CIT: variants seen among roughly 807,000 people sequenced by gnomAD.
CIT encodes citron rho-interacting serine/threonine kinase.
CIT carries 79 observed loss-of-function variants against 272.7 expected under a neutral mutation model. The observed-to-expected ratio is 0.29, with a 90% CI of 0.24 to 0.35. CIT has a LOEUF of 0.35. Ranked by LOEUF, CIT falls within the 10% of genes least tolerant of loss-of-function variation. The pLI, the probability that CIT is intolerant of heterozygous loss-of-function variation, is 1.00. For missense variants in CIT, 1,909 were observed against 2,618.3 expected, an observed-to-expected ratio of 0.73 and a Z score of 5.91; for synonymous variants, 948 against 995.6, an observed-to-expected ratio of 0.95 and a Z score of 0.90.
chr12:119,692,258 G>A (rs190353842), intron 46 of CIT, among the ~76,000 whole-genome samples: 29 of 152,218 alleles, frequency 1.9e-4, no homozygotes, highest in Non-Finnish European at 3.4e-4. Flanking sequence ...AGACCAGCCC[G>A]GGCAATATGG....
Position 119,804,454 on chromosome 12 carries a change from C to CT in CIT, c.1112-1066dup, listed in dbSNP as rs1184632057. 1.0e-6 allele frequency: 1 copy of CT among 985,838 alleles called. No homozygotes were observed. Among genetic ancestry groups the CT allele is most frequent in the African/African-American group, 1.7e-5 (1 of 57,270 alleles). 61.1% of individuals were successfully genotyped at this position (985,838 alleles called of 1,614,324 possible). A position where few individuals can be genotyped will look rare whatever the true frequency, so the allele number is the denominator to read the frequency against. ...GTGCTCTGGCTGGAACCCCACCTGGCTGCCGCCTGCCTGCCAGGGGCCAGT... is the reference window on the plus strand; with the variant it reads ...GTGCTCTGGCTGGAACCCCACCTGGCTTGCCGCCTGCCTGCCAGGGGCCAGT... On this transcript the variant is annotated intron_variant, in intron 9 of 47. Coordinates refer to ENST00000392521, the MANE Select transcript of CIT (RefSeq NM_001206999.2). This position sits in a 1 kb window ranked among gnomAD's most constrained non-coding sequence, Gnocchi z 5.3.
rs1362928705 is a variant in CIT at position 119,688,174 on chromosome 12, A to G, written c.*58T>C. The G allele has an allele frequency of 6.4e-7, 1 of 1,570,582 alleles. No individual in the cohort carries two copies. The highest frequency in any genetic ancestry group is 2.2e-5 in the East Asian group (1 of 44,700). On this transcript the variant is annotated 3_prime_UTR_variant, in exon 48 of 48. Coordinates refer to ENST00000392521, the MANE Select transcript of CIT (RefSeq NM_001206999.2). ...TGGGTCCCCATCAGCAGAGTTCCAT[A>G]GTGTGTTTGGTGTTTTCCTGCAGAT...
intron 13 of CIT, among the ~76,000 whole-genome samples, chr12:119,780,438 GA>G (rs1964180972): frequency 6.6e-6 from 1 of 152,100 alleles, no homozygotes; most frequent in Non-Finnish European, 1.5e-5. Flanking sequence ...CAAACATGGT[GA>G]AACCCCATCT....
intron 5 of CIT, among the ~76,000 whole-genome samples, chr12:119,836,132 C>A (rs1042714492): frequency 2.6e-5 from 4 of 151,370 alleles, no homozygotes; most frequent in African/African-American, 9.7e-5. Flanking sequence ...ACTAAAAATA[C>A]AAAAATTAGC....
intron 2 of CIT, among the ~76,000 whole-genome samples, chr12:119,872,318 A>C (rs1566154064): frequency 6.6e-6 from 1 of 152,196 alleles, no homozygotes; most frequent in Non-Finnish European, 1.5e-5. Context: ...AAAGTCTGAC[A>C]ATCACTGACC....
At chr12:119,822,778 A>G (rs1320328784) in intron 9 of CIT, 42 bp downstream of exon 9, 1 of 1,606,470 alleles carries the variant, frequency 6.2e-7, no homozygotes, top group Non-Finnish European at 8.5e-7. Context: ...TGAGTGTTTC[A>G]TAATCCCAAC....
At chr12:119,799,518 C>T (rs1315882618) in intron 10 of CIT, among the ~76,000 whole-genome samples, 4 of 152,138 alleles carry the variant, frequency 2.6e-5, no homozygotes, top group African/African-American at 9.7e-5. Context: ...CTGGATCCAT[C>T]GCTGTGTTTT....
Position 119,697,921 on chromosome 12 carries a change from C to T in CIT, c.5702+55G>A. 3.7e-6 allele frequency: 6 copies of T among 1,613,212 alleles called. No homozygotes were observed. The highest frequency in any genetic ancestry group is 5.1e-6 in the Non-Finnish European group (6 of 1,179,190). On this transcript the variant is annotated intron_variant, in intron 45 of 47. Coordinates refer to ENST00000392521, the MANE Select transcript of CIT (RefSeq NM_001206999.2). The surrounding 1 kb of genome is among the most constrained non-coding windows in gnomAD (Gnocchi z 4.9). Reference sequence around the variant, plus strand: ...AGTTAGGAAGGAACATGCGGCCGGCCCCAACACCTACCCCAATAGCTGAAG... The same window carrying T: ...AGTTAGGAAGGAACATGCGGCCGGCTCCAACACCTACCCCAATAGCTGAAG...
At chr12:119,691,918 A>G (rs1955972032) in intron 46 of CIT, among the ~76,000 whole-genome samples, 3 of 152,248 alleles carry the variant, frequency 2.0e-5, no homozygotes, top group Admixed American at 2.0e-4. Context: ...TATTACTTGA[A>G]AACATATTTT....
intron 7 of CIT, among the ~76,000 whole-genome samples, chr12:119,831,463 G>C (rs951135904): frequency 1.1e-4 from 16 of 152,124 alleles, no homozygotes; most frequent in Non-Finnish European, 2.4e-4. Flanking sequence ...ATCTCAAGTA[G>C]GTCTCAGGTC....
intron 8 of CIT, among the ~76,000 whole-genome samples, chr12:119,823,234 C>T (rs1967875091): frequency 6.6e-6 from 1 of 152,132 alleles, no homozygotes; most frequent in South Asian, 2.1e-4. Flanking sequence ...CTCATCTTGC[C>T]ACATTCCCCA....
intron 32 of CIT, among the ~76,000 whole-genome samples, chr12:119,717,839 T>C (rs1210309409): frequency 8.0e-5 from 7 of 87,860 alleles, no homozygotes; most frequent in Non-Finnish European, 1.5e-4. Context: ...GACTTCTTTC[T>C]TTTTTTTTTT....
At position 119,730,521 on chromosome 12, in the gene CIT, G is replaced by C. The variant is rs749827253; in HGVS notation, c.3460C>G (p.Leu1154Val). The part of the protein sequence containing the change: ...ALQQALKEQK[L>V]KAESLSDKLN... ...TTGTCAGAGAGGCTCTCGGCCTTCA[G>C]CTTCTGCTCTTTGAGAGCCTGCTGC... Residue 1154 changes from leucine to valine, a missense_variant, in exon 27 of 48, where the codon CTG (leucine) becomes GTG (valine). Leu to Val is a conservative substitution (Grantham distance 32). Around this residue, in one of 8 missense-constraint regions of CIT, gnomAD observed 530 missense variants for 822.4 expected, o/e 0.64. Transcript: ENST00000392521. The C allele has an allele frequency of 6.2e-7, 1 of 1,613,866 alleles. No individual in the cohort carries two copies.
At position 119,822,903 on chromosome 12, in the gene CIT, CACA is replaced by C; in HGVS notation, c.1025_1027del (p.Leu342del). 6.2e-7 allele frequency: 1 copy of C among 1,614,042 alleles called. No homozygotes were observed. The highest frequency in any genetic ancestry group is 1.3e-5 in the African/African-American group (1 of 75,002). On this transcript the variant is annotated inframe_deletion, in exon 9 of 48. Transcript: ENST00000392521. ...AAACTTCAGTCTCTCTTTCTGGCCGCACAACAAGCTTTGAATCAGATCAAGAAA... is the reference window on the plus strand; with the variant it reads ...AAACTTCAGTCTCTCTTTCTGGCCGCACAAGCTTTGAATCAGATCAAGAAA...
chr12:119,834,112 G>A lies in CIT; in HGVS notation c.633C>T (p.Ser211=), dbSNP rs138587041. 4.6e-5 allele frequency: 75 copies of A among 1,613,630 alleles called. No homozygotes were observed. The highest frequency in any genetic ancestry group is 1.1e-4 in the South Asian group (10 of 91,008). Residue 211 remains serine (S), a synonymous_variant, in exon 6 of 48, where the codon AGC becomes AGT. Transcript: ENST00000392521. ...YLAELILAVH[S]VHLMGYVHRD... ...GATGCACGTATCCCATCAGATGAACGCTGTGAACAGCCAAAATCAGCTCAG... is the reference window on the plus strand; with the variant it reads ...GATGCACGTATCCCATCAGATGAACACTGTGAACAGCCAAAATCAGCTCAG...
At chr12:119,791,925 CAT>C (rs1463464673) in intron 10 of CIT, among the ~76,000 whole-genome samples, 1 of 152,172 alleles carries the variant, frequency 6.6e-6, no homozygotes, top group Non-Finnish European at 1.5e-5. Context: ...TCAGATATGA[CAT>C]AAAAATTGCT....
intron 7 of CIT, among the ~76,000 whole-genome samples, chr12:119,829,197 G>A (rs200888227): frequency 4.6e-5 from 7 of 152,022 alleles, no homozygotes; most frequent in African/African-American, 9.7e-5. Flanking sequence ...AATTAGCCAG[G>A]CATGGTGGCG....
chr12:119,690,301 C>G lies in CIT; in HGVS notation c.6036G>C (p.Lys2012Asn). 1 of 1,590,374 alleles carries G rather than the reference C, an allele frequency of 6.3e-7. No individual in the cohort carries two copies. Among genetic ancestry groups the G allele is most frequent in the Non-Finnish European group, 8.5e-7 (1 of 1,175,982 alleles). ...REGRTELRRD[K>N]SPGRPLEREK... ...CTCGCTCCAGGGGGCGGCCAGGAGACTTGTCCCTGCGCAGCTCGGTCCGCC... is the reference window on the plus strand; with the variant it reads ...CTCGCTCCAGGGGGCGGCCAGGAGAGTTGTCCCTGCGCAGCTCGGTCCGCC... The change falls in exon 47 of 48, where the codon AAG becomes AAC. Residue 2012 changes from lysine (K) to asparagine (N), a missense_variant. By Grantham distance (94) the Lys-to-Asn change is moderately conservative. This residue lies in a region of CIT where 780 missense variants were observed against 1,067.2 expected (regional missense o/e 0.73). Coordinates refer to ENST00000392521, the MANE Select transcript of CIT (RefSeq NM_001206999.2). This position sits in a 1 kb window ranked among gnomAD's most constrained non-coding sequence, Gnocchi z 6.0.
chr12:119,794,238 T>C (rs761559858), intron 10 of CIT, among the ~76,000 whole-genome samples: 7 of 152,166 alleles, frequency 4.6e-5, no homozygotes, highest in Non-Finnish European at 5.9e-5. Context: ...CTCAGAGTTG[T>C]GCCTTAAGGA....
Sources: gnomAD v4.1 joint callset for allele counts (sites outside exome capture counted in the v4.1 genomes callset) on GRCh38, gnomAD v4.1.1 for gene constraint, gnomAD v4.1.1 regional missense constraint, Gnocchi (gnomAD v3.1) non-coding constraint, MANE v1.5 for transcripts, NCBI Gene and HGNC (gene_info 2026-07-23, HGNC 2026-07-21) for gene names.